Variants in PRKCH observed in about 807,000 individuals in gnomAD.
PRKCH encodes protein kinase C eta.
In PRKCH, 28 loss-of-function variants were observed where a neutral mutation model predicts 82.5. The ratio of observed to expected loss-of-function variants is 0.34; its 90% CI spans 0.25 to 0.47. PRKCH has a LOEUF of 0.47. Ranked by LOEUF, PRKCH falls within the 20% of genes least tolerant of loss-of-function variation. The probability of loss-of-function intolerance (pLI) is 1.00; values close to 1 mark genes in which losing one functional copy is unlikely to be tolerated. For missense variants in PRKCH, 705 were observed against 881.8 expected, an observed-to-expected ratio of 0.80 and a Z score of 2.54; for synonymous variants, 322 against 327.4, an observed-to-expected ratio of 0.98 and a Z score of 0.18.
chr14:61,280,394 C>T lies in PRKCH; in HGVS notation c.-19+92726C>T, dbSNP rs1314004810. On this transcript the variant is annotated intron_variant, in intron 1 of 3. Coordinates refer to the PRKCH transcript ENST00000555185. The surrounding 1 kb of genome is among the most constrained non-coding windows in gnomAD (Gnocchi z 5.0). ...GGCAGCGCCGCCGTGCGCATCCACA[C>T]CACGAAGTCCTGATTGATGAAGCCG... is the stretch of plus-strand genomic sequence containing the variant. 14 of 1,614,030 alleles carry T rather than the reference C, an allele frequency of 8.7e-6. No individual in the cohort carries two copies. Among genetic ancestry groups the T allele is most frequent in the Non-Finnish European group, 1.1e-5 (13 of 1,179,906 alleles).
At chr14:61,445,748 C>T (rs1192819703) in intron 4 of PRKCH, 22 bp downstream of exon 4, 1 of 1,591,406 alleles carries the variant, frequency 6.3e-7, no homozygotes, top group South Asian at 1.1e-5. Context: ...TTTTTAAAAC[C>T]ATGTTTCATT....
At chr14:61,351,971 A>G (rs530717345) in intron 1 of PRKCH, among the ~76,000 whole-genome samples, 1 of 152,280 alleles carries the variant, frequency 6.6e-6, no homozygotes, top group South Asian at 2.1e-4. Context: ...GTGCTCCCTA[A>G]CGGAGAAGTT....
chr14:61,250,014 C>A (rs2044928811), intron 1 of PRKCH, among the ~76,000 whole-genome samples: 1 of 150,246 alleles, frequency 6.7e-6, no homozygotes, highest in Non-Finnish European at 1.5e-5. Context: ...AATCCCAGCA[C>A]TTTGGGAGGC....
intron 10 of PRKCH, among the ~76,000 whole-genome samples, chr14:61,517,983 G>A (rs1238658608): frequency 6.6e-6 from 1 of 152,126 alleles, no homozygotes; most frequent in Non-Finnish European, 1.5e-5. Flanking sequence ...TTTCCTTGTT[G>A]GATTCTGCCT....
At chr14:61,453,127 C>T (rs1884589741) in intron 6 of PRKCH, 99 bp from the exon 7 acceptor site, 4 of 1,434,654 alleles carry the variant, frequency 2.8e-6, no homozygotes, top group Non-Finnish European at 3.9e-6. Context: ...CGGTATAATT[C>T]CTCTGTTATA....
intron 12 of PRKCH, among the ~76,000 whole-genome samples, chr14:61,545,454 C>A (rs1448044767): frequency 6.6e-6 from 1 of 152,174 alleles, no homozygotes; most frequent in Non-Finnish European, 1.5e-5. Flanking sequence ...CTGTCTTTGT[C>A]ATCTGCGTAT....
chr14:61,217,515 A>G (rs953932312), intron 1 of PRKCH, among the ~76,000 whole-genome samples: 6 of 152,204 alleles, frequency 3.9e-5, no homozygotes, highest in Non-Finnish European at 8.8e-5. Flanking sequence ...CTCCACTCGC[A>G]CTTAGAGGAG....
At chr14:61,468,240 G>A (rs1458154100) in intron 9 of PRKCH, among the ~76,000 whole-genome samples, 5 of 152,178 alleles carry the variant, frequency 3.3e-5, no homozygotes. Flanking sequence ...CGGGTCATTT[G>A]TTGCAGTTTG....
At chr14:61,507,828 T>C (rs1419925523) in intron 10 of PRKCH, among the ~76,000 whole-genome samples, 2 of 152,034 alleles carry the variant, frequency 1.3e-5, no homozygotes, top group African/African-American at 4.8e-5. Flanking sequence ...TTATGCAGGA[T>C]AAACAAGCTC....
intron 1 of PRKCH, among the ~76,000 whole-genome samples, chr14:61,235,259 C>A (rs1285175782): frequency 6.6e-6 from 1 of 152,222 alleles, no homozygotes; most frequent in East Asian, 1.9e-4. Flanking sequence ...AAACCCAAAC[C>A]TAGAGGCTTT....
At chr14:61,236,714 A>AAAAC (rs2044791482) in intron 1 of PRKCH, among the ~76,000 whole-genome samples, 1 of 144,620 alleles carries the variant, frequency 6.9e-6, no homozygotes, top group Admixed American at 6.8e-5. Context: ...TCAAAACAAA[A>AAAAC]AAAAAAAAAA....
chr14:61,226,719 G>A (rs990941942), intron 1 of PRKCH, among the ~76,000 whole-genome samples: 1 of 152,166 alleles, frequency 6.6e-6, no homozygotes, highest in African/African-American at 2.4e-5. Context: ...AATCATGAAG[G>A]CAAACATTTG....
intron 9 of PRKCH, among the ~76,000 whole-genome samples, chr14:61,471,570 T>C (rs1042722122): frequency 2.6e-5 from 4 of 151,932 alleles, no homozygotes; most frequent in Non-Finnish European, 1.5e-5. Flanking sequence ...AAAAGTACCC[T>C]TCCACATTGC....
chr14:61,425,277 C>A (rs930428178), intron 2 of PRKCH, among the ~76,000 whole-genome samples: 2 of 152,182 alleles, frequency 1.3e-5, no homozygotes, highest in African/African-American at 4.8e-5. Flanking sequence ...CCTGAAAAAG[C>A]CACAAGCACT....
At chr14:61,459,533 G>C (rs745556291) in intron 9 of PRKCH, among the ~76,000 whole-genome samples, 6 of 152,208 alleles carry the variant, frequency 3.9e-5, no homozygotes, top group Non-Finnish European at 8.8e-5. Flanking sequence ...AGCCTTGTAG[G>C]CTGTGTTAAG....
upstream of PRKCH, among the ~76,000 whole-genome samples, chr14:61,318,824 A>T (rs2045584931): frequency 6.6e-6 from 1 of 151,964 alleles, no homozygotes; most frequent in Non-Finnish European, 1.5e-5. Flanking sequence ...ATAAAATGGG[A>T]CTACAGGCAC....
rs570043871 is a variant in PRKCH at position 61,200,945 on chromosome 14, T to C, written c.-19+13277T>C. Among the ~76,000 whole-genome samples, 3 of 152,220 alleles carry C rather than the reference T, an allele frequency of 2.0e-5. No individual in the cohort carries two copies. In the South Asian group the frequency reaches 6.2e-4, roughly 32 times the overall value. ...ATATTTCCCACTTATAAGAGGGGACTAGTGTATATTTTTTCATTCAACAAG... is the reference window on the plus strand; with the variant it reads ...ATATTTCCCACTTATAAGAGGGGACCAGTGTATATTTTTTCATTCAACAAG... On this transcript the variant is annotated intron_variant, in intron 1 of 3. Coordinates refer to the PRKCH transcript ENST00000555185.
intron 4 of PRKCH, among the ~76,000 whole-genome samples, chr14:61,446,926 G>A (rs77064527): frequency 0.022 from 3,308 of 152,296 alleles, 128 homozygotes; most frequent in African/African-American, 0.075. Context: ...GTCCTATAGT[G>A]CCTGGATATT....
intron 10 of PRKCH, among the ~76,000 whole-genome samples, chr14:61,526,942 A>T (rs2042972857): frequency 6.6e-6 from 1 of 152,136 alleles, no homozygotes; most frequent in Non-Finnish European, 1.5e-5. Context: ...TCCTTTAAAA[A>T]CCAAAGTGTA....
Sources: allele counts gnomAD v4.1 joint callset (sites outside exome capture counted in the v4.1 genomes callset), GRCh38; gene constraint gnomAD v4.1.1; non-coding constraint Gnocchi (gnomAD v3.1); transcripts MANE v1.5; gene names NCBI Gene and HGNC (gene_info 2026-07-23, HGNC 2026-07-21).